RPS6KA1: variants seen among roughly 807,000 people sequenced by gnomAD.
RPS6KA1 encodes ribosomal protein S6 kinase A1, also known as ribosomal protein S6 kinase alpha-1.
In RPS6KA1, 48 loss-of-function variants were observed where a neutral mutation model predicts 91.3. The ratio of observed to expected loss-of-function variants is 0.53; its 90% CI spans 0.42 to 0.67. The LOEUF is 0.67. Ranked by LOEUF, RPS6KA1 falls within the 30% of genes least tolerant of loss-of-function variation. RPS6KA1 has a pLI of 0.00. For synonymous variants in RPS6KA1, 359 were observed against 384.7 expected (o/e 0.93, Z 0.78); for missense variants, 719 against 960.5 (o/e 0.75, Z 3.32).
In RPS6KA1 at chr1:26,554,459, C is replaced by A; in HGVS notation, c.614-137C>A. The A allele has an allele frequency of 7.9e-7, 1 of 1,266,154 alleles. No individual in the cohort carries two copies. Among genetic ancestry groups the A allele is most frequent in the South Asian group, 1.4e-5 (1 of 70,786 alleles). 78.4% of individuals were successfully genotyped at this position (1,266,154 alleles called of 1,614,324 possible). A position where few individuals can be genotyped will look rare whatever the true frequency, so the allele number is the denominator to read the frequency against. On this transcript the variant is annotated intron_variant, in intron 8 of 21. Transcript: ENST00000374168. This position sits in a 1 kb window ranked among gnomAD's most constrained non-coding sequence, Gnocchi z 4.6. Reference sequence around the variant, plus strand: ...TAACGTTGAGCAAGTCACCTGACCTCTCTGGGCCTTAGCTTCCTCCTGAGT... The same window carrying A: ...TAACGTTGAGCAAGTCACCTGACCTATCTGGGCCTTAGCTTCCTCCTGAGT...
Position 26,551,759 on chromosome 1 carries a change from G to A in RPS6KA1, c.468+36G>A. On this transcript the variant is annotated intron_variant, in intron 6 of 21. Coordinates refer to ENST00000374168, the MANE Select transcript of RPS6KA1 (RefSeq NM_002953.4). The surrounding 1 kb of genome is among the most constrained non-coding windows in gnomAD (Gnocchi z 4.5). ...ATCTACTGCCAGAGGGCCCCGGGAT[G>A]GAGCTGAGGGACGACAAGTCCTCCC... The A allele has an allele frequency of 1.3e-6, 2 of 1,562,888 alleles. No homozygotes were observed. Among genetic ancestry groups the A allele is most frequent in the Non-Finnish European group, 1.8e-6 (2 of 1,133,426 alleles).
At chr1:26,553,679 C>A in intron 7 of RPS6KA1, 182 bp downstream of exon 7, 1 of 419,824 alleles carries the variant, frequency 2.4e-6, no homozygotes, top group Admixed American at 3.9e-5. Context: ...GCTACCATTA[C>A]CAAGGGCCAG....
At chr1:26,552,299 A>G (rs2076058150) in intron 6 of RPS6KA1, among the ~76,000 whole-genome samples, 1 of 149,664 alleles carries the variant, frequency 6.7e-6, no homozygotes, top group African/African-American at 2.5e-5. Flanking sequence ...GAGGCACAAG[A>G]ATCGCTTGAA....
chr1:26,538,986 A>C (rs1193465446), intron 2 of RPS6KA1, among the ~76,000 whole-genome samples: 1 of 152,212 alleles, frequency 6.6e-6, no homozygotes, highest in Non-Finnish European at 1.5e-5. Flanking sequence ...TGTTGTTCAC[A>C]GGAGGGCCTA....
rs1200548875 is a variant in RPS6KA1, at chr1:26,552,467, C to CT, written c.468+757dup. Among the ~76,000 whole-genome samples the CT allele has an allele frequency of 3.5e-3, 424 of 122,276 alleles. 2 individuals are homozygous for CT. Among genetic ancestry groups the CT allele is most frequent in the African/African-American group, 0.011 (361 of 33,178 alleles). The allele number at this position is 122,276 out of a possible 152,430, so 80.2% of individuals were successfully genotyped here. On this transcript the variant is annotated intron_variant, in intron 6 of 21. Coordinates refer to ENST00000374168, the MANE Select transcript of RPS6KA1 (RefSeq NM_002953.4). ...AATTCAAACTTTAAAGAGAATCTAG[C>CT]TTTTTTTTTTTTTAATTGTAATTTT... is the stretch of plus-strand genomic sequence containing the variant.
rs929671483 is a variant in RPS6KA1, at chr1:26,560,722, A to G, written c.1216-4A>G. On this transcript the variant is annotated splice_polypyrimidine_tract_variant and splice_region_variant and intron_variant, in intron 14 of 21. Transcript: ENST00000374168. Reference sequence around the variant, plus strand: ...GGTCAGCCACAATTTTTGGTCTCCTACAGCAACTCCATGGGAAGAACCTGG... The same window carrying G: ...GGTCAGCCACAATTTTTGGTCTCCTGCAGCAACTCCATGGGAAGAACCTGG... The G allele has an allele frequency of 3.1e-6, 5 of 1,614,018 alleles. No homozygotes were observed. The African/African-American group carries it at 6.7e-5, about 22-fold the overall frequency.
At chr1:26,563,684 T>C (rs148465960) in intron 17 of RPS6KA1, among the ~76,000 whole-genome samples, 136 of 152,360 alleles carry the variant, frequency 8.9e-4, no homozygotes, top group African/African-American at 3.0e-3. Context: ...TTCTGTGGAA[T>C]GTCTCACATT....
intron 17 of RPS6KA1, among the ~76,000 whole-genome samples, chr1:26,567,373 G>T (rs946775613): frequency 1.1e-4 from 17 of 151,648 alleles, no homozygotes; most frequent in African/African-American, 3.4e-4. Flanking sequence ...AGGGTTTTTT[G>T]TTGTTGTTGT....
chr1:26,540,306 C>G lies in RPS6KA1; in HGVS notation c.108+3337C>G, dbSNP rs534556877. Among the ~76,000 whole-genome samples the G allele has an allele frequency of 6.6e-6, 1 of 152,182 alleles. No individual in the cohort carries two copies. Among genetic ancestry groups the G allele is most frequent in the Non-Finnish European group, 1.5e-5 (1 of 68,032 alleles). The stretch of plus-strand genomic sequence containing the variant: ...GTTCAGACAGGGAAACAGATTTGCC[C>G]GGGAGCACCCAGCTAGTGAGTGGCC... On this transcript the variant is annotated intron_variant, in intron 2 of 21. Transcript: ENST00000374168. The surrounding 1 kb of genome is among the most constrained non-coding windows in gnomAD (Gnocchi z 4.2).
chr1:26,548,351 T>A (rs1267116417), intron 4 of RPS6KA1, among the ~76,000 whole-genome samples: 1 of 151,876 alleles, frequency 6.6e-6, no homozygotes, highest in Non-Finnish European at 1.5e-5. Flanking sequence ...GGTGGTGTAG[T>A]CTTGTAGAGG....
chr1:26,554,152 G>GC lies in RPS6KA1; in HGVS notation c.576-62_576-61insC. 1 of 1,525,930 alleles carries GC rather than the reference G, an allele frequency of 6.6e-7. No homozygotes were observed. The highest frequency in any genetic ancestry group is 8.9e-7 in the Non-Finnish European group (1 of 1,126,966). 94.5% of individuals were successfully genotyped at this position (1,525,930 alleles called of 1,614,324 possible). On this transcript the variant is annotated intron_variant, in intron 7 of 21. Coordinates refer to ENST00000374168, the MANE Select transcript of RPS6KA1 (RefSeq NM_002953.4). This position sits in a 1 kb window ranked among gnomAD's most constrained non-coding sequence, Gnocchi z 4.6. ...CTGAACCCAACTCCCACAGCCCTGTGGTAACACCATCACCCACACGGCCAC... is the reference window on the plus strand; with the variant it reads ...CTGAACCCAACTCCCACAGCCCTGTGCGTAACACCATCACCCACACGGCCAC...
intron 2 of RPS6KA1, among the ~76,000 whole-genome samples, chr1:26,539,180 A>G (rs546615931): frequency 1.8e-4 from 27 of 152,004 alleles, no homozygotes; most frequent in Non-Finnish European, 3.1e-4. Flanking sequence ...AGGTGCCCAC[A>G]TTTCTCTCCG....
chr1:26,561,141 G>T lies in RPS6KA1; in HGVS notation c.1431+7G>T, dbSNP rs139173799. On this transcript the variant is annotated splice_region_variant and intron_variant, in intron 16 of 21. Coordinates refer to ENST00000374168, the MANE Select transcript of RPS6KA1 (RefSeq NM_002953.4). The surrounding 1 kb of genome is among the most constrained non-coding windows in gnomAD (Gnocchi z 5.7). ...CATCATCACTCTGAAAGATGTGAGT[G>T]GGGGTCCTTAAGACTGGGGTGGGGA... 1 of 1,611,634 alleles carries T rather than the reference G, an allele frequency of 6.2e-7. No homozygotes were observed. The highest frequency in any genetic ancestry group is 1.1e-5 in the South Asian group (1 of 91,018).
chr1:26,543,991 G>A, intron 2 of RPS6KA1: 1 of 439,890 alleles, frequency 2.3e-6, no homozygotes, highest in Non-Finnish European at 4.7e-6. Flanking sequence ...GATCTCAGAG[G>A]TGGGTCTGCA....
chr1:26,542,167 A>G (rs2075953976), intron 2 of RPS6KA1, among the ~76,000 whole-genome samples: 1 of 152,148 alleles, frequency 6.6e-6, no homozygotes, highest in Non-Finnish European at 1.5e-5. Flanking sequence ...GTCTCCTCCC[A>G]CAAAGTAGCT....
At chr1:26,552,386 CAAAAAAAAAAAA>C (rs1197852280) in intron 6 of RPS6KA1, among the ~76,000 whole-genome samples, 24 of 54,910 alleles carry the variant, frequency 4.4e-4, no homozygotes, top group Admixed American at 1.0e-3. Context: ...GACTCTGTCT[CAAAAAAAAAAAA>C]AAAAAAAAAA....
At chr1:26,538,315 G>T (rs1321934138) in intron 2 of RPS6KA1, among the ~76,000 whole-genome samples, 1 of 152,212 alleles carries the variant, frequency 6.6e-6, no homozygotes, top group Non-Finnish European at 1.5e-5. Flanking sequence ...ACGGTGTTCA[G>T]ATCTCAGGGC....
chr1:26,571,902 T>G lies in RPS6KA1; in HGVS notation c.1806T>G (p.Ile602Met), dbSNP rs143490841. The part of the protein sequence containing the change: ...DEGCDIWSLG[I>M]LLYTMLAGYT... ...GCTGCGACATCTGGAGCCTGGGCAT[T>G]CTGCTGTACACCATGCTGGCAGGGT... The change falls in exon 19 of 22, where the codon ATT (isoleucine) becomes ATG (methionine). Residue 602 changes from isoleucine to methionine, a missense_variant. Coordinates refer to ENST00000374168, the MANE Select transcript of RPS6KA1 (RefSeq NM_002953.4). The surrounding 1 kb of genome is among the most constrained non-coding windows in gnomAD (Gnocchi z 5.1). 69 of 1,611,956 alleles carry G rather than the reference T, an allele frequency of 4.3e-5. No individual in the cohort carries two copies. The highest frequency in any genetic ancestry group is 5.7e-5 in the Non-Finnish European group (67 of 1,179,990).
rs72651533 is a variant in RPS6KA1, at chr1:26,532,475, G to A, written c.63+2492G>A. 5.7e-3 allele frequency among the ~76,000 whole-genome samples: 864 copies of A among 152,234 alleles called. 5 individuals carry two copies. Among genetic ancestry groups the A allele is most frequent in the Non-Finnish European group, 1.0e-2 (680 of 68,006 alleles). On this transcript the variant is annotated intron_variant, in intron 1 of 21. Transcript: ENST00000374168. ...GAGGCTCAGGGATGGGGAAGGGCTG[G>A]AGCCACACTAGCCCAGGTGGAAGGT...
Sources: allele counts gnomAD v4.1 joint callset (sites outside exome capture counted in the v4.1 genomes callset), GRCh38; gene constraint gnomAD v4.1.1; non-coding constraint Gnocchi (gnomAD v3.1); transcripts MANE v1.5; gene names NCBI Gene and HGNC (gene_info 2026-07-23, HGNC 2026-07-21).